Variants in DIAPH2 observed in about 807,000 individuals in gnomAD.
DIAPH2 encodes protein diaphanous homolog 2.
Under a neutral mutation model 92.7 loss-of-function variants are expected in DIAPH2, and 35 were observed. The observed-to-expected ratio is 0.38, with a 90% CI of 0.29 to 0.50. The LOEUF (loss-of-function observed/expected upper bound fraction) is 0.50. DIAPH2 is among the 20% of genes least tolerant of loss of function. The pLI is 0.94. For missense variants in DIAPH2, 701 were observed against 819.5 expected, an observed-to-expected ratio of 0.86 and a Z score of 1.77; for synonymous variants, 301 against 280.4, an observed-to-expected ratio of 1.07 and a Z score of -0.73.
chrX:97,376,554 T>C (rs2069502574), intron 24 of DIAPH2, among the ~76,000 whole-genome samples: 1 of 112,452 alleles, frequency 8.9e-6, no homozygotes, highest in African/African-American at 3.2e-5. Context: ...ACCTTTGTAT[T>C]GCCCAAATGT....
intron 5 of DIAPH2, among the ~76,000 whole-genome samples, chrX:96,902,465 G>C (rs774722721): frequency 9.0e-6 from 1 of 111,235 alleles, no homozygotes; most frequent in Non-Finnish European, 1.9e-5. Context: ...GGGAGCTCCA[G>C]TGTTAGGTGC....
intron 23 of DIAPH2, among the ~76,000 whole-genome samples, chrX:97,265,093 A>ATC (rs2068325318): frequency 8.9e-6 from 1 of 112,036 alleles, no homozygotes; most frequent in South Asian, 3.7e-4. Flanking sequence ...TTGTTCCAGT[A>ATC]TCTCATCAAG....
chrX:97,522,343 C>T (rs1025871838), intron 26 of DIAPH2, among the ~76,000 whole-genome samples: 4 of 111,590 alleles, frequency 3.6e-5, no homozygotes, highest in African/African-American at 1.3e-4. Flanking sequence ...GATGGGGTCT[C>T]GCTATGTTGC....
intron 25 of DIAPH2, among the ~76,000 whole-genome samples, chrX:97,414,201 C>G (rs770054642): frequency 1.8e-5 from 2 of 111,874 alleles, no homozygotes; most frequent in Non-Finnish European, 3.8e-5. Flanking sequence ...GGTACCAAAA[C>G]AGAGAGATAG....
At chrX:97,029,069 C>A (rs772180017) in intron 17 of DIAPH2, among the ~76,000 whole-genome samples, 3 of 111,397 alleles carry the variant, frequency 2.7e-5, no homozygotes, top group African/African-American at 9.8e-5. Flanking sequence ...TTTCGAGCAG[C>A]ATTTCATTTA....
intron 10 of DIAPH2, among the ~76,000 whole-genome samples, chrX:96,936,310 A>G (rs2065657438): frequency 9.0e-6 from 1 of 111,547 alleles, no homozygotes; most frequent in African/African-American, 3.3e-5. Flanking sequence ...TAGAAACAAG[A>G]AATGTATCCC....
At chrX:97,363,996 C>A (rs2069354445) in intron 24 of DIAPH2, among the ~76,000 whole-genome samples, 1 of 112,170 alleles carries the variant, frequency 8.9e-6, no homozygotes, top group Admixed American at 9.5e-5. Context: ...TAATGTGTCA[C>A]TCATTCTGTA....
chrX:96,707,379 C>T (rs1263288391), intron 1 of DIAPH2, among the ~76,000 whole-genome samples: 1 of 109,439 alleles, frequency 9.1e-6, no homozygotes, highest in Non-Finnish European at 1.9e-5. Flanking sequence ...CCATGTTGGC[C>T]AGGCCGGTCT....
intron 26 of DIAPH2, among the ~76,000 whole-genome samples, chrX:97,502,258 G>A (rs375295786): frequency 1.6e-4 from 18 of 112,156 alleles, no homozygotes; most frequent in African/African-American, 5.8e-4. Context: ...AAATAATTAT[G>A]AGAATATTAC....
intron 26 of DIAPH2, among the ~76,000 whole-genome samples, chrX:97,576,000 C>T (rs2071397710): frequency 9.0e-6 from 1 of 111,439 alleles, no homozygotes; most frequent in African/African-American, 3.3e-5. Flanking sequence ...CCAAGCAAGG[C>T]GATAGGAGTC....
chrX:97,116,861 C>T (rs948869589), intron 21 of DIAPH2, among the ~76,000 whole-genome samples: 3 of 110,933 alleles, frequency 2.7e-5, no homozygotes, highest in East Asian at 2.8e-4. Flanking sequence ...TTAATCTCAC[C>T]GAAGGATTTT....
At chrX:96,983,221 A>G (rs2066009175) in intron 17 of DIAPH2, among the ~76,000 whole-genome samples, 2 of 111,312 alleles carry the variant, frequency 1.8e-5, no homozygotes, top group African/African-American at 3.3e-5. Context: ...AACTGATCAT[A>G]TCATCCATAT....
chrX:97,273,913 C>T (rs2068411927), intron 23 of DIAPH2, among the ~76,000 whole-genome samples: 1 of 110,738 alleles, frequency 9.0e-6, no homozygotes, highest in African/African-American at 3.3e-5. Context: ...ACATCATTCC[C>T]AGGCAGAAGT....
At chrX:97,476,893 G>A (rs1427766259) in intron 26 of DIAPH2, among the ~76,000 whole-genome samples, 3 of 90,751 alleles carry the variant, frequency 3.3e-5, no homozygotes, top group Non-Finnish European at 6.3e-5. Context: ...GTGGTGAGCC[G>A]AGATTGCGCC....
intron 4 of DIAPH2, among the ~76,000 whole-genome samples, chrX:96,812,277 A>G (rs2064689985): frequency 1.8e-5 from 2 of 111,822 alleles, no homozygotes; most frequent in Admixed American, 1.9e-4. Flanking sequence ...GAATTTATCC[A>G]TTTGTTTTAG....
intron 26 of DIAPH2, among the ~76,000 whole-genome samples, chrX:97,448,586 GT>G (rs2070332739): frequency 1.8e-5 from 2 of 112,054 alleles, no homozygotes; most frequent in Non-Finnish European, 3.8e-5. Flanking sequence ...TACTGTCATG[GT>G]AACCTCACCT....
intron 26 of DIAPH2, among the ~76,000 whole-genome samples, chrX:97,479,893 GAA>G (rs72100087): frequency 0.027 from 3,052 of 111,439 alleles, 33 homozygotes; most frequent in Middle Eastern, 0.042. Flanking sequence ...CATTTTAGTT[GAA>G]AGTCAGCTTA....
In DIAPH2 at chrX:97,262,769, A is replaced by AG. The variant is rs1444042524; in HGVS notation, c.2844+14931dup. Reference sequence around the variant, plus strand: ...CCATCGCCATGGAAATTGTGTTTAAAGCCATTAGACTGGTTAAGGTGACCT... The same window carrying AG: ...CCATCGCCATGGAAATTGTGTTTAAAGGCCATTAGACTGGTTAAGGTGACCT... On this transcript the variant is annotated intron_variant, in intron 23 of 26. Coordinates refer to ENST00000324765, the MANE Select transcript of DIAPH2 (RefSeq NM_006729.5). 2.6e-4 allele frequency among the ~76,000 whole-genome samples: 29 copies of AG among 112,106 alleles called. 1 individual carries two copies. The highest frequency in any genetic ancestry group is 8.4e-4 in the African/African-American group (26 of 30,925).
chrX:96,759,169 G>T (rs764726377), intron 4 of DIAPH2, among the ~76,000 whole-genome samples: 1 of 110,691 alleles, frequency 9.0e-6, no homozygotes, highest in Non-Finnish European at 1.9e-5. Flanking sequence ...AATTTCATAA[G>T]TTGACCATTG....
Sources: gnomAD v4.1 joint callset for allele counts (sites outside exome capture counted in the v4.1 genomes callset) on GRCh38, gnomAD v4.1.1 for gene constraint, MANE v1.5 for transcripts, NCBI Gene and HGNC (gene_info 2026-07-23, HGNC 2026-07-21) for gene names.